The following CYP4B1 variants were observed in gnomAD, a reference collection of about 807,000 sequenced individuals.
CYP4B1 encodes the protein cytochrome P450 4B1.
A neutral mutation model predicts 54.0 loss-of-function variants in CYP4B1; 45 were observed. That is an observed-to-expected ratio of 0.83 (90% CI 0.66 to 1.07). The LOEUF (loss-of-function observed/expected upper bound fraction) is 1.07, where lower values mean the gene tolerates loss of function less well. Ranked by LOEUF, CYP4B1 falls within the 50% of genes least tolerant of loss-of-function variation. CYP4B1 has a pLI of 0.00. For synonymous variants in CYP4B1, 248 were observed against 247.5 expected (o/e 1.00, Z -0.02); for missense variants, 656 against 655.4 (o/e 1.00, Z -0.01).
chr1:46,817,228 C>T (rs1037731050), intron 9 of CYP4B1, 47 bp downstream of exon 9: 5 of 1,609,772 alleles, frequency 3.1e-6, no homozygotes, highest in Middle Eastern at 3.3e-4. Flanking sequence ...CTGCATGCTC[C>T]TCTGGCACCC....
In CYP4B1 at chr1:46,816,108, C is replaced by CG. The variant is rs1189524535; in HGVS notation, c.1073+844_1073+845insG. ...GTTGGTCATATGTGAGAATCCCCCC[C>CG]CCACGGGGTATCCAGACACATGCCA... On this transcript the variant is annotated intron_variant, in intron 8 of 11. Coordinates refer to ENST00000371923, the MANE Select transcript of CYP4B1 (RefSeq NM_001099772.2). Among the ~76,000 whole-genome samples the CG allele has an allele frequency of 5.3e-5, 8 of 152,160 alleles. No homozygotes were observed. The South Asian group carries it at 1.7e-3, about 32-fold the overall frequency.
intron 1 of CYP4B1, among the ~76,000 whole-genome samples, chr1:46,801,766 T>A (rs1340434255): frequency 1.3e-5 from 2 of 152,186 alleles, no homozygotes; most frequent in Admixed American, 6.5e-5. Flanking sequence ...TATTTGTCTA[T>A]GTCTGTTTAG....
intron 1 of CYP4B1, among the ~76,000 whole-genome samples, chr1:46,801,937 A>G (rs184574341): frequency 1.8e-3 from 277 of 152,276 alleles, no homozygotes; most frequent in African/African-American, 6.4e-3. Flanking sequence ...GGGGGCAGGG[A>G]AGAGCTGTCC....
rs1557498270 is a variant in CYP4B1, at chr1:46,813,515, T to A, written c.529T>A (p.Ser177Thr). Residue 177 changes from serine to threonine, a missense_variant, in exon 5 of 12, where the codon TCC becomes ACC. Physicochemically the swap from Ser to Thr is moderately conservative, Grantham distance 58 (BLOSUM62 1). Coordinates refer to ENST00000371923, the MANE Select transcript of CYP4B1 (RefSeq NM_001099772.2). ...GGAAGAGAAAGCTCGGGAGGGTAAG[T>A]CCTTTGACATCTTCTGCGATGTGGG... The part of the protein sequence containing the change: ...KWEEKAREGK[S>T]FDIFCDVGHM... The A allele has an allele frequency of 6.2e-7, 1 of 1,614,140 alleles. No homozygotes were observed.
chr1:46,811,851 G>T (rs1679112629), intron 3 of CYP4B1, among the ~76,000 whole-genome samples: 1 of 152,194 alleles, frequency 6.6e-6, no homozygotes, highest in African/African-American at 2.4e-5. Context: ...AGAAAGGGCA[G>T]GGCCAAGAGG....
chr1:46,808,592 G>C (rs1014279581), intron 1 of CYP4B1, among the ~76,000 whole-genome samples: 2 of 152,042 alleles, frequency 1.3e-5, no homozygotes, highest in Admixed American at 1.3e-4. Context: ...CCATTTTGTA[G>C]GTTGCCTGCA....
intron 2 of CYP4B1, 87 bp from the exon 3 acceptor site, chr1:46,811,053 G>T: frequency 6.2e-7 from 1 of 1,603,246 alleles, no homozygotes. Context: ...TACTAAGTCT[G>T]CGGAGCTGAG....
In CYP4B1 at chr1:46,819,095, T is replaced by C. The variant is rs560670409; in HGVS notation, c.*281T>C. ...GAGAAACTTCATTTATCTCCTATAATTGGCAAACTTAAAAATGCAGCAGAA... is the reference window on the plus strand; with the variant it reads ...GAGAAACTTCATTTATCTCCTATAACTGGCAAACTTAAAAATGCAGCAGAA... On this transcript the variant is annotated 3_prime_UTR_variant, in exon 12 of 12. Transcript: ENST00000371923. The C allele has an allele frequency of 1.3e-5, 4 of 315,506 alleles. No individual in the cohort carries two copies. Among genetic ancestry groups the C allele is most frequent in the Admixed American group, 4.6e-5 (1 of 21,978 alleles). 19.5% of individuals were successfully genotyped at this position (315,506 alleles called of 1,614,324 possible). A position where few individuals can be genotyped will look rare whatever the true frequency, so the allele number is the denominator to read the frequency against.
chr1:46,818,616 T>C lies in CYP4B1; in HGVS notation c.1356-15T>C. 6.2e-7 allele frequency: 1 copy of C among 1,613,920 alleles called. No homozygotes were observed. Among genetic ancestry groups the C allele is most frequent in the Non-Finnish European group, 8.5e-7 (1 of 1,179,776 alleles). ...TGCTCCATTGCACGATGACTCTTTG[T>C]GCTGCTTGCTACAGGAACTGCATTG... On this transcript the variant is annotated splice_polypyrimidine_tract_variant and intron_variant, in intron 11 of 11. Coordinates refer to ENST00000371923, the MANE Select transcript of CYP4B1 (RefSeq NM_001099772.2).
intron 1 of CYP4B1, among the ~76,000 whole-genome samples, chr1:46,807,746 C>T (rs1000933307): frequency 9.8e-5 from 15 of 152,298 alleles, no homozygotes; most frequent in East Asian, 7.7e-4. Flanking sequence ...CAGACGACTC[C>T]ACAGAGGGCC....
At chr1:46,814,980 C>A (rs1194020757) in intron 7 of CYP4B1, 94 bp from the exon 8 acceptor site, 3 of 1,142,582 alleles carry the variant, frequency 2.6e-6, no homozygotes, top group African/African-American at 1.5e-5. Context: ...TCACTCCCTC[C>A]CAGAGACCTT....
chr1:46,800,835 GTCA>G (rs762809173), intron 1 of CYP4B1, among the ~76,000 whole-genome samples: 12 of 152,164 alleles, frequency 7.9e-5, no homozygotes, highest in Non-Finnish European at 1.2e-4. Flanking sequence ...GAAAGTGTGG[GTCA>G]GAGAGATGAA....
chr1:46,814,466 G>A, intron 7 of CYP4B1, 151 bp downstream of exon 7: 1 of 660,436 alleles, frequency 1.5e-6, no homozygotes, highest in South Asian at 1.9e-5. Context: ...TATTAGCAGG[G>A]GTTCAGAGGT....
At chr1:46,813,360 G>T in intron 4 of CYP4B1, 122 bp from the exon 5 acceptor site, 2 of 1,162,052 alleles carry the variant, frequency 1.7e-6, no homozygotes, top group South Asian at 2.8e-5. Context: ...GGGACTGGGA[G>T]TGTGTGAAGG....
In CYP4B1 at chr1:46,817,130, C is replaced by T. The variant is rs576551322; in HGVS notation, c.1156C>T (p.Arg386Cys). The T allele has an allele frequency of 1.5e-5, 25 of 1,614,176 alleles. No individual in the cohort carries two copies. In the East Asian group the frequency reaches 3.1e-4, roughly 20 times the overall value. ...RLYPPVPQVY[R>C]QLSKPVTFVD... ...CTACCCACCTGTGCCCCAGGTGTACCGCCAGCTCAGCAAGCCTGTCACCTT... is the reference window on the plus strand; with the variant it reads ...CTACCCACCTGTGCCCCAGGTGTACTGCCAGCTCAGCAAGCCTGTCACCTT... The change falls in exon 9 of 12, where the codon CGC (arginine) becomes TGC (cysteine). Residue 386 changes from arginine to cysteine, a missense_variant. Physicochemically the swap from Arg to Cys is radical, Grantham distance 180. Transcript: ENST00000371923.
chr1:46,812,472 C>CT (rs1679146058), intron 3 of CYP4B1, 24 bp from the exon 4 acceptor site: 1 of 1,604,074 alleles, frequency 6.2e-7, no homozygotes, highest in Non-Finnish European at 8.5e-7. Flanking sequence ...CTGACCAGCC[C>CT]TCTCTCTCCC....
rs528324009 is a variant in CYP4B1, at chr1:46,814,436, G to A, written c.882+121G>A. Reference sequence around the variant, plus strand: ...CCCCTTTCCTCAGCAAATATAACCTGTTCCTCGTCCCATGAAACATATTAG... The same window carrying A: ...CCCCTTTCCTCAGCAAATATAACCTATTCCTCGTCCCATGAAACATATTAG... On this transcript the variant is annotated intron_variant, in intron 7 of 11. Coordinates refer to ENST00000371923, the MANE Select transcript of CYP4B1 (RefSeq NM_001099772.2). 4.0e-4 allele frequency: 288 copies of A among 728,600 alleles called. 1 individual carries two copies. The African/African-American group carries it at 4.3e-3, about 11-fold the overall frequency. The allele number at this position is 728,600 out of a possible 1,614,324, so 45.1% of individuals were successfully genotyped here.
At chr1:46,807,110 C>A (rs566220990) in intron 1 of CYP4B1, among the ~76,000 whole-genome samples, 3 of 152,322 alleles carry the variant, frequency 2.0e-5, no homozygotes, top group African/African-American at 7.2e-5. Context: ...TGGGCTCATG[C>A]ACATGTTTTT....
At chr1:46,817,251 G>A in intron 9 of CYP4B1, 70 bp downstream of exon 9, 1 of 1,590,862 alleles carries the variant, frequency 6.3e-7, no homozygotes, top group Non-Finnish European at 8.6e-7. Context: ...TGTGCCTTTA[G>A]TCAAATCTTT....
Sources: gnomAD v4.1 joint callset for allele counts (sites outside exome capture counted in the v4.1 genomes callset) on GRCh38, gnomAD v4.1.1 for gene constraint, MANE v1.5 for transcripts, NCBI Gene and HGNC (gene_info 2026-07-23, HGNC 2026-07-21) for gene names.